PARP4: variants seen among roughly 807,000 people sequenced by gnomAD.
PARP4 encodes protein mono-ADP-ribosyltransferase PARP4.
In PARP4, 120 loss-of-function variants were observed where a neutral mutation model predicts 187.7. That is an observed-to-expected ratio of 0.64 (90% confidence interval 0.55 to 0.74). PARP4 has a LOEUF of 0.74. Ranked by LOEUF, PARP4 falls within the 30% of genes least tolerant of loss-of-function variation. PARP4 has a pLI of 0.00. For synonymous variants in PARP4, 654 were observed against 740.9 expected (o/e 0.88, Z 1.90); for missense variants, 1,836 against 2,070.5 (o/e 0.89, Z 2.20).
intron 1 of PARP4, among the ~76,000 whole-genome samples, chr13:24,512,193 A>G (rs924625263): frequency 6.6e-6 from 1 of 152,194 alleles, no homozygotes; most frequent in Non-Finnish European, 1.5e-5. Flanking sequence ...TCCTAGCAGG[A>G]ATTACTTAAC....
intron 17 of PARP4, among the ~76,000 whole-genome samples, chr13:24,460,754 T>C (rs2137484850): frequency 6.6e-6 from 1 of 152,308 alleles, no homozygotes; most frequent in South Asian, 2.1e-4. Flanking sequence ...AGTGGTGCAG[T>C]CACAGCTTAA....
At chr13:24,505,666 T>C (rs1869599105) in intron 1 of PARP4, among the ~76,000 whole-genome samples, 1 of 152,196 alleles carries the variant, frequency 6.6e-6, no homozygotes, top group South Asian at 2.1e-4. Context: ...GTAGCTGGGA[T>C]TACAGGCCCG....
chr13:24,495,581 T>C (rs1481272338), intron 6 of PARP4, among the ~76,000 whole-genome samples: 1 of 152,184 alleles, frequency 6.6e-6, no homozygotes, highest in East Asian at 1.9e-4. Context: ...CTCCTGCCTC[T>C]GTAGTAGGCA....
intron 20 of PARP4, among the ~76,000 whole-genome samples, chr13:24,457,770 CAAAAAAAAAA>C (rs33930012): frequency 0.38 from 32,318 of 84,840 alleles, 3,990 homozygotes; most frequent in Admixed American, 0.49. Flanking sequence ...GACTCTGTCT[CAAAAAAAAAA>C]AAAAAAAAAA....
At chr13:24,484,909 C>T (rs1873474439) in intron 11 of PARP4, among the ~76,000 whole-genome samples, 161 bp from the exon 12 acceptor site, 3 of 152,142 alleles carry the variant, frequency 2.0e-5, no homozygotes, top group Non-Finnish European at 2.9e-5. Flanking sequence ...AAATTTCTGC[C>T]TTTTATTATA....
At position 24,426,475 on chromosome 13, in the gene PARP4, G is replaced by A. The variant is rs1387590113; in HGVS notation, c.4970C>T (p.Ser1657Phe). 1 of 1,609,222 alleles carries A rather than the reference G, an allele frequency of 6.2e-7. No homozygotes were observed. The highest frequency in any genetic ancestry group is 1.3e-5 in the African/African-American group (1 of 74,700). ...FKSLMKMDDASISRNIPWAFE... is the reference protein window; with the variant it reads ...FKSLMKMDDAFISRNIPWAFE... ...CTATAGTTAAAGCCACCTGGAAATA[G>A]AAGCGTCATCCATTTTCATCAGTGA... The change falls in exon 33 of 34, where the codon TCT becomes TTT. Residue 1657 changes from serine (S) to phenylalanine (F), a missense_variant. By Grantham distance (155) the Ser-to-Phe change is radical (BLOSUM62 -2). Transcript: ENST00000381989.
intron 15 of PARP4, among the ~76,000 whole-genome samples, chr13:24,474,959 G>C (rs1872909994): frequency 6.6e-6 from 1 of 152,154 alleles, no homozygotes; most frequent in Non-Finnish European, 1.5e-5. Context: ...GCCTGGGCCA[G>C]ATCAGCCTCC....
chr13:24,488,377 A>G (rs1308663698), intron 10 of PARP4, among the ~76,000 whole-genome samples: 1 of 152,206 alleles, frequency 6.6e-6, no homozygotes, highest in Non-Finnish European at 1.5e-5. Flanking sequence ...TTTTTGAGAC[A>G]GAGTCCTGTT....
At chr13:24,462,172 G>A (rs1278680029) in intron 17 of PARP4, among the ~76,000 whole-genome samples, 1 of 152,184 alleles carries the variant, frequency 6.6e-6, no homozygotes, top group African/African-American at 2.4e-5. Context: ...AGCACATCAA[G>A]CAACAGCAGC....
chr13:24,421,025 A>G lies in PARP4; in HGVS notation c.*94T>C. 6.8e-7 allele frequency: 1 copy of G among 1,477,186 alleles called. No individual in the cohort carries two copies. Among genetic ancestry groups the G allele is most frequent in the Non-Finnish European group, 9.0e-7 (1 of 1,105,800 alleles). The allele number at this position is 1,477,186 out of a possible 1,614,324, so 91.5% of individuals were successfully genotyped here. ...AGACAGTAATTGCTACACTGAATGA[A>G]ACCTTAATGAAGTTTCATTATAAGT... On this transcript the variant is annotated 3_prime_UTR_variant, in exon 34 of 34. Transcript: ENST00000381989.
At chr13:24,421,369 T>G in intron 33 of PARP4, 55 bp from the exon 34 acceptor site, 1 of 665,528 alleles carries the variant, frequency 1.5e-6, no homozygotes, top group South Asian at 2.0e-5. Flanking sequence ...AAATGTAATG[T>G]GGTACTAAAC....
chr13:24,449,767 C>T lies in PARP4; in HGVS notation c.3065G>A (p.Gly1022Glu). The change falls in exon 25 of 34, where the codon GGA becomes GAA. Residue 1022 changes from glycine (G) to glutamate (E), a missense_variant. Gly to Glu is a moderately conservative substitution (Grantham distance 98, BLOSUM62 -2). Around this residue, in one of 8 missense-constraint regions of PARP4, gnomAD observed 56 missense variants for 103.7 expected, o/e 0.54. Transcript: ENST00000381989. ...TTTTGCATTAAAATATTCAAATACT[C>T]CGGCACCACACTGGGACAAAATCCT... is the stretch of plus-strand genomic sequence containing the variant. ...VLRILSQCGA[G>E]VFEYFNAKSK... is the part of the protein sequence containing the mutation. 1.2e-6 allele frequency: 2 copies of T among 1,611,504 alleles called. No homozygotes were observed. Among genetic ancestry groups the T allele is most frequent in the African/African-American group, 2.7e-5 (2 of 74,956 alleles).
rs1870512816 is a variant in PARP4 at position 24,434,617 on chromosome 13, G to C, written c.4524C>G (p.Leu1508=). 6.2e-7 allele frequency: 1 copy of C among 1,611,912 alleles called. No homozygotes were observed. The change falls in exon 31 of 34, where the codon CTC becomes CTG. Residue 1508 remains leucine, a synonymous_variant. Coordinates refer to ENST00000381989, the MANE Select transcript of PARP4 (RefSeq NM_006437.4). ...LCLLEESVGS[L]EGSRCPVFAF... Reference sequence around the variant, plus strand: ...CAAAGACAGGACATCGACTTCCTTCGAGACTGCCTACTGATTCTTCTAGAA... The same window carrying C: ...CAAAGACAGGACATCGACTTCCTTCCAGACTGCCTACTGATTCTTCTAGAA...
chr13:24,425,225 C>CGGG (rs1869966021), intron 33 of PARP4, among the ~76,000 whole-genome samples: 1 of 152,098 alleles, frequency 6.6e-6, no homozygotes, highest in African/African-American at 2.4e-5. Context: ...GGCTTGAGCC[C>CGGG]AGGAGGCGGA....
At chr13:24,456,684 G>A (rs964312592) in intron 20 of PARP4, among the ~76,000 whole-genome samples, 6 of 152,056 alleles carry the variant, frequency 3.9e-5, no homozygotes, top group African/African-American at 1.4e-4. Context: ...AGACGCCGAG[G>A]TGGGTGGAGT....
At chr13:24,503,121 T>C (rs1384795665) in intron 2 of PARP4, among the ~76,000 whole-genome samples, 1 of 152,244 alleles carries the variant, frequency 6.6e-6, no homozygotes, top group Non-Finnish European at 1.5e-5. Flanking sequence ...TATTCTGAAC[T>C]GCCAGGCTTA....
In PARP4 at chr13:24,478,130, C is replaced by T. The variant is rs1442083740; in HGVS notation, c.1595G>A (p.Gly532Glu). ...EAPPGYDSVH[G>E]VSQTASVTTD... is the part of the protein sequence containing the mutation. ...GGTGACAGAGGCTGTTTGCGAAACT[C>T]CATGCACACTGTCGTAGCCTGGTGG... Residue 532 changes from glycine (G) to glutamate (E), a missense_variant, in exon 13 of 34, where the codon GGA (glycine) becomes GAA (glutamate). Physicochemically the swap from Gly to Glu is moderately conservative, Grantham distance 98 (BLOSUM62 -2). This residue lies in a region of PARP4 where 1,147 missense variants were observed against 1,214.2 expected (regional missense o/e 0.94). Transcript: ENST00000381989. 4 of 1,611,960 alleles carry T rather than the reference C, an allele frequency of 2.5e-6. No homozygotes were observed. In the South Asian group the frequency reaches 3.3e-5, roughly 13 times the overall value.
At chr13:24,435,540 C>T in intron 30 of PARP4, 66 bp from the exon 31 acceptor site, 2 of 1,485,214 alleles carry the variant, frequency 1.3e-6, no homozygotes. Flanking sequence ...ATCAAGCAAA[C>T]ATTCTTCCTA....
intron 25 of PARP4, among the ~76,000 whole-genome samples, chr13:24,448,168 C>A (rs748360648): frequency 6.6e-6 from 1 of 152,090 alleles, no homozygotes; most frequent in South Asian, 2.1e-4. Flanking sequence ...CAAGCTTGCA[C>A]CACTGAATTC....
Sources: allele counts gnomAD v4.1 joint callset (sites outside exome capture counted in the v4.1 genomes callset), GRCh38; gene constraint gnomAD v4.1.1; regional missense constraint gnomAD v4.1.1; transcripts MANE v1.5; gene names NCBI Gene and HGNC (gene_info 2026-07-23, HGNC 2026-07-21).